The following TNRC6A variants were observed in gnomAD, a reference collection of about 807,000 sequenced individuals.
TNRC6A encodes the protein trinucleotide repeat-containing gene 6A protein.
In TNRC6A, 44 loss-of-function variants were observed where a neutral mutation model predicts 221.2. That is an observed-to-expected ratio of 0.20 (90% CI 0.16 to 0.26). The LOEUF is 0.26. Ranked by LOEUF, TNRC6A falls within the 10% of genes least tolerant of loss-of-function variation. TNRC6A has a pLI of 1.00. For synonymous variants in TNRC6A, 847 were observed against 838.5 expected (o/e 1.01, Z -0.18); for missense variants, 2,199 against 2,404.4 (o/e 0.91, Z 1.79).
At chr16:24,682,232 T>G (rs2055545342) in intron 2 of TNRC6A, among the ~76,000 whole-genome samples, 1 of 83,682 alleles carries the variant, frequency 1.2e-5, no homozygotes, top group Admixed American at 1.0e-4. Context: ...CTTGTTTGAT[T>G]TTTTTTTTTT....
chr16:24,689,757 G>GA lies in TNRC6A; in HGVS notation n.402+48757dup, dbSNP rs949134134. ...AGTTATATGGTGACACATGCTATGA[G>GA]AAAAAAAAATTTGAGACAGGGTCTC... On this transcript the variant is annotated intron_variant and non_coding_transcript_variant, in intron 2 of 2. Transcript: ENST00000566108. Among the ~76,000 whole-genome samples the GA allele has an allele frequency of 3.6e-4, 55 of 150,872 alleles. 1 individual carries two copies. The South Asian group carries it at 8.6e-3, about 24-fold the overall frequency.
At chr16:24,716,773 C>T (rs181838121) in intron 2 of TNRC6A, among the ~76,000 whole-genome samples, 1 of 151,648 alleles carries the variant, frequency 6.6e-6, no homozygotes, top group Non-Finnish European at 1.5e-5. Context: ...TCCTGGCCAA[C>T]ATGGTGAAAC....
intron 2 of TNRC6A, among the ~76,000 whole-genome samples, chr16:24,649,019 G>A (rs112806937): frequency 0.023 from 3,486 of 151,990 alleles, 97 homozygotes; most frequent in African/African-American, 0.064. Context: ...GGTGGCTCAC[G>A]GCTGTAATCT....
At chr16:24,688,398 C>G (rs2055686113) in intron 2 of TNRC6A, among the ~76,000 whole-genome samples, 1 of 152,200 alleles carries the variant, frequency 6.6e-6, no homozygotes, top group East Asian at 1.9e-4. Context: ...CACCACGGCC[C>G]TTTCCACCTC....
intron 1 of TNRC6A, among the ~76,000 whole-genome samples, chr16:24,621,830 C>T (rs1046197103): frequency 6.6e-6 from 1 of 152,106 alleles, no homozygotes; most frequent in African/African-American, 2.4e-5. Context: ...CACTGCGACT[C>T]GGAAGCATAA....
chr16:24,667,978 T>C (rs921236888), intron 2 of TNRC6A, among the ~76,000 whole-genome samples: 9 of 152,162 alleles, frequency 5.9e-5, no homozygotes, highest in African/African-American at 2.2e-4. Flanking sequence ...GGAGCTAGGA[T>C]TGCACCACTG....
At chr16:24,804,568 TCC>T in intron 12 of TNRC6A, 135 bp from the exon 13 acceptor site, 1 of 1,333,824 alleles carries the variant, frequency 7.5e-7, no homozygotes, top group Non-Finnish European at 1.0e-6. Context: ...TTAACACTAA[TCC>T]GATCTCTTCT....
intron 1 of TNRC6A, among the ~76,000 whole-genome samples, chr16:24,633,235 G>A (rs1901443214): frequency 6.6e-6 from 1 of 152,066 alleles, no homozygotes; most frequent in African/African-American, 2.4e-5. Flanking sequence ...CTCCTTTGTA[G>A]GTTTAAGATC....
chr16:24,804,371 C>G (rs114669724), intron 12 of TNRC6A, 52 bp downstream of exon 12: 2 of 1,555,796 alleles, frequency 1.3e-6, no homozygotes, highest in Admixed American at 4.4e-5. Context: ...TACTTCATAG[C>G]GTAATTTTCA....
rs2058707327 is a variant in TNRC6A, at chr16:24,818,803, G to A, written c.5080+103G>A. The A allele has an allele frequency of 8.0e-6, 7 of 874,396 alleles. No homozygotes were observed. In the South Asian group the frequency reaches 9.8e-5, roughly 12 times the overall value. The allele number at this position is 874,396 out of a possible 1,614,324, so 54.2% of individuals were successfully genotyped here. A position where few individuals can be genotyped will look rare whatever the true frequency, so the allele number is the denominator to read the frequency against. On this transcript the variant is annotated intron_variant, in intron 21 of 24. Transcript: ENST00000395799. ...TCGTCCAGTCTTCTCAGGGAATTAG[G>A]AGATTCTGTTTGTGAGCCTGGGAAA...
intron 2 of TNRC6A, among the ~76,000 whole-genome samples, chr16:24,672,451 A>AT (rs912085750): frequency 2.2e-5 from 3 of 136,778 alleles, no homozygotes; most frequent in African/African-American, 8.3e-5. Context: ...TTACTTGTTT[A>AT]TTTTTTTTGA....
intron 1 of TNRC6A, among the ~76,000 whole-genome samples, chr16:24,624,251 T>C (rs1306350057): frequency 6.6e-6 from 1 of 152,172 alleles, no homozygotes; most frequent in Non-Finnish European, 1.5e-5. Flanking sequence ...TCCAAATCTC[T>C]GCTCTCGTCA....
At chr16:24,731,443 C>T (rs2056639773) in intron 2 of TNRC6A, among the ~76,000 whole-genome samples, 1 of 152,152 alleles carries the variant, frequency 6.6e-6, no homozygotes, top group Non-Finnish European at 1.5e-5. Context: ...GAAGGATAGG[C>T]ATCATTGGTT....
chr16:24,728,716 A>T (rs1437141286), upstream of TNRC6A, among the ~76,000 whole-genome samples: 1 of 152,208 alleles, frequency 6.6e-6, no homozygotes, highest in Non-Finnish European at 1.5e-5. Flanking sequence ...GTCTTATTGT[A>T]TCTACATGTA....
intron 4 of TNRC6A, among the ~76,000 whole-genome samples, chr16:24,769,415 T>C (rs2057542598): frequency 1.3e-5 from 2 of 151,926 alleles, no homozygotes; most frequent in Admixed American, 1.3e-4. Flanking sequence ...GTTAAAATTT[T>C]TTTTCCCATT....
At chr16:24,712,345 G>T (rs1459703269) in intron 2 of TNRC6A, among the ~76,000 whole-genome samples, 1 of 152,106 alleles carries the variant, frequency 6.6e-6, no homozygotes, top group Non-Finnish European at 1.5e-5. Context: ...TTGGGGTGGG[G>T]CTTATATATA....
intron 17 of TNRC6A, among the ~76,000 whole-genome samples, chr16:24,807,455 C>T (rs990136417): frequency 1.3e-5 from 2 of 152,208 alleles, no homozygotes; most frequent in Non-Finnish European, 2.9e-5. Context: ...AGAAACAGTA[C>T]ACCAGAGAAT....
rs1054065308 is a variant in TNRC6A at position 24,826,024 on chromosome 16, T to C, written c.*2217T>C. ...TCAGTGCGTTCAATGTATATTGACT[T>C]CCATACTGGTTTTTCCAAAAACCAA... On this transcript the variant is annotated 3_prime_UTR_variant, in exon 25 of 25. Transcript: ENST00000395799. 1.3e-5 allele frequency: 2 copies of C among 152,696 alleles called. No homozygotes were observed. The highest frequency in any genetic ancestry group is 4.8e-5 in the African/African-American group (2 of 41,470). 9.5% of individuals were successfully genotyped at this position (152,696 alleles called of 1,614,324 possible).
intron 22 of TNRC6A, chr16:24,821,646 G>C (rs2058767825): frequency 6.3e-6 from 1 of 158,208 alleles, no homozygotes; most frequent in African/African-American, 2.4e-5. Flanking sequence ...AGTAACCCCG[G>C]GGAAAACAAG....
Sources: allele counts gnomAD v4.1 joint callset (sites outside exome capture counted in the v4.1 genomes callset), GRCh38; gene constraint gnomAD v4.1.1; transcripts MANE v1.5; gene names NCBI Gene and HGNC (gene_info 2026-07-23, HGNC 2026-07-21).